NTRK2: variants seen among roughly 807,000 people sequenced by gnomAD.
The protein encoded by NTRK2 is BDNF/NT-3 growth factors receptor.
In NTRK2, 13 loss-of-function variants were observed where a neutral mutation model predicts 94.5. The observed-to-expected ratio is 0.14, with a 90% CI of 0.09 to 0.22. The LOEUF is 0.22. Ranked by LOEUF, NTRK2 falls within the 10% of genes least tolerant of loss-of-function variation. The pLI is 1.00. For missense variants in NTRK2, 639 were observed against 1,071.2 expected, an observed-to-expected ratio of 0.60 and a Z score of 5.63; for synonymous variants, 372 against 407.4, an observed-to-expected ratio of 0.91 and a Z score of 1.05.
intron 12 of NTRK2, among the ~76,000 whole-genome samples, chr9:84,828,291 C>G (rs527547744): frequency 1.3e-4 from 20 of 152,170 alleles, no homozygotes; most frequent in African/African-American, 4.8e-4. Context: ...TCTAACAGGC[C>G]CAGTTGCCAT....
intron 17 of NTRK2, among the ~76,000 whole-genome samples, chr9:84,991,204 G>A (rs1352419017): frequency 6.6e-6 from 1 of 152,178 alleles, no homozygotes; most frequent in African/African-American, 2.4e-5. Flanking sequence ...ACAGTAATTT[G>A]TTTTTGCCCT....
chr9:84,771,491 T>G (rs768619556), intron 12 of NTRK2, among the ~76,000 whole-genome samples: 7 of 152,180 alleles, frequency 4.6e-5, no homozygotes, highest in Admixed American at 3.3e-4. Flanking sequence ...GGGACCTGAT[T>G]GAATTATTCA....
intron 17 of NTRK2, among the ~76,000 whole-genome samples, chr9:85,014,346 C>A (rs1306518232): frequency 6.6e-6 from 1 of 152,136 alleles, no homozygotes; most frequent in Non-Finnish European, 1.5e-5. Context: ...CCACGTATAC[C>A]TGGAAAACGA....
intron 14 of NTRK2, chr9:84,877,271 A>G: frequency 9.4e-7 from 1 of 1,065,812 alleles, no homozygotes; most frequent in Non-Finnish European, 1.1e-6. Flanking sequence ...TTGAGGATTC[A>G]TGTCATTGAG....
intron 12 of NTRK2, among the ~76,000 whole-genome samples, chr9:84,764,975 A>T (rs182973789): frequency 1.3e-5 from 2 of 152,218 alleles, no homozygotes; most frequent in African/African-American, 2.4e-5. Context: ...CAAACATAGC[A>T]TATTCTCACT....
At chr9:84,707,668 G>T (rs1588086524) in intron 4 of NTRK2, among the ~76,000 whole-genome samples, 176 bp from the exon 5 acceptor site, 2 of 152,058 alleles carry the variant, frequency 1.3e-5, no homozygotes, top group Admixed American at 1.3e-4. Flanking sequence ...TATAGACAAG[G>T]TTAGAGGAAA....
intron 2 of NTRK2, among the ~76,000 whole-genome samples, chr9:84,692,437 G>GTTTGT (rs1490160086): frequency 7.0e-6 from 1 of 142,122 alleles, no homozygotes; most frequent in African/African-American, 2.6e-5. Context: ...TTTACACACA[G>GTTTGT]TTTCTTTTCT....
At chr9:84,768,907 TA>T (rs2066275266) in intron 12 of NTRK2, among the ~76,000 whole-genome samples, 1 of 152,066 alleles carries the variant, frequency 6.6e-6, no homozygotes, top group South Asian at 2.1e-4. Context: ...GCCAGGGTGA[TA>T]GACATCCCCT....
intron 12 of NTRK2, among the ~76,000 whole-genome samples, chr9:84,794,735 A>T (rs770387548): frequency 4.6e-5 from 7 of 152,206 alleles, no homozygotes; most frequent in African/African-American, 1.7e-4. Context: ...ATTCTTGCAT[A>T]TAAAGGGACT....
intron 4 of NTRK2, among the ~76,000 whole-genome samples, chr9:84,702,901 T>C (rs1192915182): frequency 6.6e-6 from 1 of 152,184 alleles, no homozygotes; most frequent in Non-Finnish European, 1.5e-5. Flanking sequence ...TTGATAAAGG[T>C]AGAGAAAAAT....
intron 2 of NTRK2, among the ~76,000 whole-genome samples, chr9:84,698,256 G>A (rs1429066788): frequency 2.0e-5 from 3 of 151,898 alleles, no homozygotes; most frequent in South Asian, 2.1e-4. Flanking sequence ...TATTTTTTGT[G>A]TATTTTTAAA....
At chr9:84,704,501 C>T (rs1428145122) in intron 4 of NTRK2, among the ~76,000 whole-genome samples, 2 of 152,092 alleles carry the variant, frequency 1.3e-5, no homozygotes. Context: ...GCTGGTATTA[C>T]AGGCTTGAGC....
chr9:84,848,181 T>A (rs1454861904), intron 12 of NTRK2, among the ~76,000 whole-genome samples: 1 of 152,176 alleles, frequency 6.6e-6, no homozygotes, highest in African/African-American at 2.4e-5. Context: ...CCTACCCTTG[T>A]GAACTCATTT....
intron 16 of NTRK2, among the ~76,000 whole-genome samples, chr9:84,954,365 C>A (rs1205615481): frequency 6.6e-6 from 1 of 152,224 alleles, no homozygotes; most frequent in African/African-American, 2.4e-5. Context: ...CGGATCCTCC[C>A]ACCCTTGCAG....
intron 2 of NTRK2, among the ~76,000 whole-genome samples, chr9:84,675,891 C>T (rs2059021475): frequency 6.6e-6 from 1 of 152,308 alleles, no homozygotes; most frequent in Non-Finnish European, 1.5e-5. Flanking sequence ...GGTGCCTTCT[C>T]ACCACTTACT....
At position 85,021,460 on chromosome 9, in the gene NTRK2, C is replaced by T. The variant is rs1473424524; in HGVS notation, c.*23C>T. ...TAGGGCCCTTTTCCCCAGACCGATCCTTCCCAACGTACTCCTCAGACGGGC... is the reference window on the plus strand; with the variant it reads ...TAGGGCCCTTTTCCCCAGACCGATCTTTCCCAACGTACTCCTCAGACGGGC... On this transcript the variant is annotated 3_prime_UTR_variant, in exon 19 of 19. Transcript: ENST00000277120. 1 of 1,612,446 alleles carries T rather than the reference C, an allele frequency of 6.2e-7. No homozygotes were observed. Among genetic ancestry groups the T allele is most frequent in the Non-Finnish European group, 8.5e-7 (1 of 1,178,520 alleles).
At chr9:84,756,419 C>G (rs1295954921) in intron 12 of NTRK2, among the ~76,000 whole-genome samples, 4 of 152,162 alleles carry the variant, frequency 2.6e-5, no homozygotes, top group Non-Finnish European at 1.5e-5. Context: ...AAAGGGTGCT[C>G]CACATTGGGA....
At position 84,955,357 on chromosome 9, in the gene NTRK2, A is replaced by G. The variant is rs201044261; in HGVS notation, c.2012A>G (p.His671Arg). ...GAACTGACGCAGTCGCAGATGCTGC[A>G]TATAGCCCAGCAGATCGCCGCGGGC... ...PTELTQSQML[H>R]IAQQIAAGMV... Residue 671 changes from histidine (H) to arginine (R), a missense_variant, in exon 17 of 19, where the codon CAT becomes CGT. Coordinates refer to ENST00000277120, the MANE Select transcript of NTRK2 (RefSeq NM_006180.6). 26 of 1,613,688 alleles carry G rather than the reference A, an allele frequency of 1.6e-5. No homozygotes were observed. The highest frequency in any genetic ancestry group is 2.1e-5 in the Non-Finnish European group (25 of 1,179,808).
intron 12 of NTRK2, among the ~76,000 whole-genome samples, chr9:84,782,062 A>ACACACT (rs1554725377): frequency 4.6e-5 from 7 of 151,040 alleles, no homozygotes; most frequent in Middle Eastern, 3.4e-3. Context: ...ACACACACAC[A>ACACACT]CACACAAACA....
Sources: gnomAD v4.1 joint callset for allele counts (sites outside exome capture counted in the v4.1 genomes callset) on GRCh38, gnomAD v4.1.1 for gene constraint, MANE v1.5 for transcripts, NCBI Gene and HGNC (gene_info 2026-07-23, HGNC 2026-07-21) for gene names.